Variants in SKI observed in about 807,000 individuals in gnomAD.
SKI encodes the protein ski oncogene.
A neutral mutation model predicts 59.3 loss-of-function variants in SKI; 23 were observed. That is an observed-to-expected ratio of 0.39 (90% CI 0.28 to 0.55). SKI has a LOEUF of 0.55. SKI is among the 20% of genes least tolerant of loss of function. The pLI, the probability that SKI is intolerant of heterozygous loss-of-function variation, is 0.67. For synonymous variants in SKI, 673 were observed against 488.6 expected, an observed-to-expected ratio of 1.38 and a Z score of -4.98; for missense variants, 1,017 against 1,038.9, an observed-to-expected ratio of 0.98 and a Z score of 0.29.
chr1:2,289,538 G>A (rs936888936), intron 1 of SKI, among the ~76,000 whole-genome samples: 5 of 72,654 alleles, frequency 6.9e-5, no homozygotes, highest in East Asian at 9.8e-4. Context: ...AACCAAGATC[G>A]GGGTGGGGGT....
At position 2,240,688 on chromosome 1, in the gene SKI, C is replaced by G. The variant is rs559902606; in HGVS notation, c.969+10953C>G. 1.1e-5 allele frequency: 11 copies of G among 985,426 alleles called. No homozygotes were observed. In the African/African-American group the frequency reaches 1.9e-4, roughly 17 times the overall value. 61.0% of individuals were successfully genotyped at this position (985,426 alleles called of 1,614,324 possible). Reference sequence around the variant, plus strand: ...CGAAGTGAAGCTCTCTCTACTTGTTCGGAGGATGGAGGACAGTTCTAGATC... The same window carrying G: ...CGAAGTGAAGCTCTCTCTACTTGTTGGGAGGATGGAGGACAGTTCTAGATC... On this transcript the variant is annotated intron_variant, in intron 1 of 6. Transcript: ENST00000378536.
chr1:2,237,600 G>A lies in SKI; in HGVS notation c.969+7865G>A, dbSNP rs1196887924. On this transcript the variant is annotated intron_variant, in intron 1 of 6. Coordinates refer to ENST00000378536, the MANE Select transcript of SKI (RefSeq NM_003036.4). ...CAGCTGTTGAGAGGAGGCTGACTGG[G>A]GGCACAGTTGTTGCAGAGTCTGATG... Among the ~76,000 whole-genome samples, 5 of 152,218 alleles carry A rather than the reference G, an allele frequency of 3.3e-5. No individual in the cohort carries two copies. The East Asian group carries it at 7.7e-4, about 23-fold the overall frequency.
chr1:2,288,028 G>A (rs371696982), intron 1 of SKI, among the ~76,000 whole-genome samples: 37 of 149,826 alleles, frequency 2.5e-4, no homozygotes, highest in African/African-American at 8.4e-4. Flanking sequence ...CACTCTTGTT[G>A]CCCAGGCTGG....
intron 1 of SKI, among the ~76,000 whole-genome samples, chr1:2,287,124 G>A (rs1172150387): frequency 6.6e-6 from 1 of 152,104 alleles, no homozygotes; most frequent in African/African-American, 2.4e-5. Context: ...AATCTAGAGG[G>A]CCCCTGCGCA....
intron 1 of SKI, among the ~76,000 whole-genome samples, chr1:2,278,069 C>T (rs990567389): frequency 2.6e-5 from 4 of 152,350 alleles, no homozygotes; most frequent in African/African-American, 7.2e-5. Context: ...GTGCCTGCTT[C>T]GCCCTCGGGT....
intron 1 of SKI, among the ~76,000 whole-genome samples, chr1:2,238,579 C>T (rs1363861099): frequency 6.6e-6 from 1 of 152,238 alleles, no homozygotes; most frequent in African/African-American, 2.4e-5. Flanking sequence ...GGACTCTTGC[C>T]TGCCTGGTGA....
intron 1 of SKI, among the ~76,000 whole-genome samples, chr1:2,248,684 T>C (rs2100819651): frequency 6.6e-6 from 1 of 152,358 alleles, no homozygotes; most frequent in Middle Eastern, 3.4e-3. Flanking sequence ...CACAGTGAAG[T>C]GAAAGTCACT....
At chr1:2,272,835 C>A (rs186727107) in intron 1 of SKI, among the ~76,000 whole-genome samples, 2 of 152,070 alleles carry the variant, frequency 1.3e-5, no homozygotes, top group African/African-American at 4.8e-5. Flanking sequence ...CCCGAGCCTC[C>A]CCCTCCCACG....
At chr1:2,233,261 G>A (rs61417340) in intron 1 of SKI, among the ~76,000 whole-genome samples, 3,873 of 143,636 alleles carry the variant, frequency 0.027, 161 homozygotes, top group East Asian at 0.17. Flanking sequence ...CCAGAGGTCC[G>A]GGATCCTGTT....
intron 1 of SKI, among the ~76,000 whole-genome samples, chr1:2,263,530 C>CAG (rs1369484749): frequency 4.0e-5 from 6 of 151,634 alleles, no homozygotes. Flanking sequence ...AGCCACTGCG[C>CAG]CTGCCAAGAA....
intron 1 of SKI, among the ~76,000 whole-genome samples, chr1:2,231,327 A>G (rs867394698): frequency 6.6e-6 from 1 of 151,970 alleles, no homozygotes; most frequent in Non-Finnish European, 1.5e-5. Flanking sequence ...AGCTGATGGC[A>G]GAGGATCTCG....
chr1:2,283,821 G>T (rs1639971317), intron 1 of SKI, among the ~76,000 whole-genome samples: 1 of 152,244 alleles, frequency 6.6e-6, no homozygotes, highest in Non-Finnish European at 1.5e-5. Flanking sequence ...TGTTGTGTCG[G>T]TTTTCATGGC....
chr1:2,297,900 C>G (rs990346489), intron 1 of SKI, among the ~76,000 whole-genome samples: 8 of 152,236 alleles, frequency 5.3e-5, no homozygotes, highest in Non-Finnish European at 1.2e-4. Context: ...TGCAGCCTGG[C>G]AGGAGAAGAC....
intron 1 of SKI, among the ~76,000 whole-genome samples, chr1:2,297,158 G>A (rs1436176292): frequency 2.0e-5 from 3 of 152,082 alleles, no homozygotes; most frequent in Non-Finnish European, 4.4e-5. Flanking sequence ...TCAGGCTGGA[G>A]TGTAGTGGTG....
intron 1 of SKI, among the ~76,000 whole-genome samples, chr1:2,275,347 C>T (rs1015167418): frequency 6.6e-6 from 1 of 152,284 alleles, no homozygotes; most frequent in Middle Eastern, 3.4e-3. Flanking sequence ...TCCTGTGGCT[C>T]CGCCGTCAGG....
chr1:2,241,923 T>C (rs1409224116), intron 1 of SKI, among the ~76,000 whole-genome samples: 1 of 152,124 alleles, frequency 6.6e-6, no homozygotes, highest in African/African-American at 2.4e-5. Context: ...CTGCGTGCGA[T>C]GGATGGGTCT....
rs535766532 is a variant in SKI at position 2,268,296 on chromosome 1, C to T, written c.970-34682C>T. 2.2e-4 allele frequency among the ~76,000 whole-genome samples: 33 copies of T among 152,304 alleles called. No individual in the cohort carries two copies. The highest frequency in any genetic ancestry group is 7.2e-4 in the African/African-American group (30 of 41,568). ...CAGGGGGCTGTGTAGCCAGGTGTCT[C>T]AGAGGGCTCAGGGCTCCTGGTAGGG... On this transcript the variant is annotated intron_variant, in intron 1 of 6. Transcript: ENST00000378536. This position sits in a 1 kb window ranked among gnomAD's most constrained non-coding sequence, Gnocchi z 5.0.
In SKI at chr1:2,270,237, G is replaced by T. The variant is rs945461942; in HGVS notation, c.970-32741G>T. The stretch of plus-strand genomic sequence containing the variant: ...AGGGCAGGTGGGCCCACTGGCTGGC[G>T]CTGCGTCTGGGTTCGGTCCTGGACC... On this transcript the variant is annotated intron_variant, in intron 1 of 6. Transcript: ENST00000378536. This position sits in a 1 kb window ranked among gnomAD's most constrained non-coding sequence, Gnocchi z 4.1. 6.6e-6 allele frequency among the ~76,000 whole-genome samples: 1 copy of T among 152,194 alleles called. No homozygotes were observed. Among genetic ancestry groups the T allele is most frequent in the Non-Finnish European group, 1.5e-5 (1 of 68,028 alleles).
chr1:2,309,566 A>AG lies in SKI; in HGVS notation c.*2803dup, dbSNP rs951008586. ...TTGTTTTCTGGGCTGTTTTTAACTGAGGAAAAAAAAAATGCTTTCCTGCCG... is the reference window on the plus strand; with the variant it reads ...TTGTTTTCTGGGCTGTTTTTAACTGAGGGAAAAAAAAAATGCTTTCCTGCCG... On this transcript the variant is annotated 3_prime_UTR_variant, in exon 7 of 7. Transcript: ENST00000378536. The AG allele has an allele frequency of 6.6e-6, 1 of 151,860 alleles. No individual in the cohort carries two copies. Among genetic ancestry groups the AG allele is most frequent in the African/African-American group, 2.4e-5 (1 of 41,316 alleles). The allele number at this position is 151,860 out of a possible 1,614,324, so 9.4% of individuals were successfully genotyped here.
Sources: allele counts gnomAD v4.1 joint callset (sites outside exome capture counted in the v4.1 genomes callset), GRCh38; gene constraint gnomAD v4.1.1; non-coding constraint Gnocchi (gnomAD v3.1); transcripts MANE v1.5; gene names NCBI Gene and HGNC (gene_info 2026-07-23, HGNC 2026-07-21).